Variants in FER observed in about 807,000 individuals in gnomAD.
FER encodes FER tyrosine kinase, also known as tyrosine-protein kinase Fer.
In FER, 63 loss-of-function variants were observed where a neutral mutation model predicts 111.0. The observed-to-expected ratio is 0.57, with a 90% CI of 0.46 to 0.70. The LOEUF is 0.70. Among genes scored for constraint, FER ranks in the 30% least tolerant of loss-of-function variants. The pLI is 0.00. For synonymous variants in FER, 327 were observed against 313.9 expected (o/e 1.04, Z -0.44); for missense variants, 914 against 954.0 (o/e 0.96, Z 0.55).
intron 13 of FER, among the ~76,000 whole-genome samples, chr5:109,000,253 A>C (rs1233204479): frequency 1.3e-5 from 2 of 151,952 alleles, no homozygotes; most frequent in African/African-American, 4.8e-5. Context: ...AAAAAGCATC[A>C]TAAACAGAAT....
chr5:108,982,553 CAAAA>C (rs1018702008), intron 13 of FER, among the ~76,000 whole-genome samples: 2 of 151,990 alleles, frequency 1.3e-5, no homozygotes, highest in African/African-American at 4.8e-5. Flanking sequence ...TTATAGAACT[CAAAA>C]GAAAGGTATC....
chr5:108,999,186 T>G (rs1764392772), intron 13 of FER, among the ~76,000 whole-genome samples: 1 of 152,180 alleles, frequency 6.6e-6, no homozygotes, highest in Admixed American at 6.5e-5. Context: ...TCTCCTTCCT[T>G]GAATTTTATA....
intron 10 of FER, among the ~76,000 whole-genome samples, chr5:108,909,975 C>T (rs1294071490): frequency 6.6e-6 from 1 of 151,486 alleles, no homozygotes; most frequent in African/African-American, 2.4e-5. Context: ...GAACATTTTC[C>T]TATGTTGGAA....
chr5:108,919,976 T>C (rs1752811727), intron 10 of FER, among the ~76,000 whole-genome samples: 1 of 152,132 alleles, frequency 6.6e-6, no homozygotes, highest in African/African-American at 2.4e-5. Flanking sequence ...AAATGTTTAG[T>C]ACAGTGCCTG....
intron 17 of FER, among the ~76,000 whole-genome samples, chr5:109,156,661 T>C (rs1561968083): frequency 6.6e-6 from 1 of 151,896 alleles, no homozygotes; most frequent in Non-Finnish European, 1.5e-5. Context: ...TTAAGGAATT[T>C]ATGGGCAGAA....
intron 16 of FER, among the ~76,000 whole-genome samples, chr5:109,048,013 C>T (rs1021292256): frequency 3.3e-5 from 5 of 151,988 alleles, no homozygotes; most frequent in Admixed American, 6.6e-5. Flanking sequence ...ATCTCATAAG[C>T]TTTACAAATA....
intron 17 of FER, among the ~76,000 whole-genome samples, chr5:109,102,214 T>C (rs1466114130): frequency 6.6e-6 from 1 of 152,134 alleles, no homozygotes; most frequent in African/African-American, 2.4e-5. Context: ...TTTTTCCCAC[T>C]TTGCTTTTTA....
At chr5:108,866,815 G>C (rs1400223921) in intron 5 of FER, among the ~76,000 whole-genome samples, 1 of 152,048 alleles carries the variant, frequency 6.6e-6, no homozygotes, top group Non-Finnish European at 1.5e-5. Flanking sequence ...TGTGTAATTT[G>C]CATCAAAAGT....
At chr5:108,997,528 C>T (rs1376475866) in intron 13 of FER, among the ~76,000 whole-genome samples, 1 of 151,966 alleles carries the variant, frequency 6.6e-6, no homozygotes, top group African/African-American at 2.4e-5. Flanking sequence ...TAATTGAATA[C>T]CCTTTATTTC....
intron 3 of FER, among the ~76,000 whole-genome samples, chr5:108,800,930 C>G (rs374331359): frequency 2.0e-5 from 3 of 152,224 alleles, no homozygotes; most frequent in East Asian, 3.9e-4. Context: ...GCCTGTAGTC[C>G]CAGCTACTTG....
At chr5:109,087,467 GTT>G (rs753674945) in intron 16 of FER, among the ~76,000 whole-genome samples, 13 of 151,640 alleles carry the variant, frequency 8.6e-5, no homozygotes, top group Non-Finnish European at 1.5e-4. Flanking sequence ...TTGAGAAAAA[GTT>G]TGTTTAAATA....
intron 2 of FER, among the ~76,000 whole-genome samples, chr5:108,778,712 G>A (rs13183520): frequency 0.061 from 9,254 of 152,084 alleles, 317 homozygotes; most frequent in Middle Eastern, 0.075. Flanking sequence ...TTTGGATAAC[G>A]GTCCTTTTTC....
intron 14 of FER, among the ~76,000 whole-genome samples, chr5:109,039,147 A>G (rs901483746): frequency 4.6e-5 from 7 of 151,998 alleles, no homozygotes; most frequent in Non-Finnish European, 8.8e-5. Context: ...ACAATTAGCC[A>G]TGATTCCTAT....
At chr5:108,901,339 T>C (rs942524589) in intron 10 of FER, among the ~76,000 whole-genome samples, 3 of 151,990 alleles carry the variant, frequency 2.0e-5, no homozygotes, top group Admixed American at 6.6e-5. Flanking sequence ...TGAAGATGCA[T>C]ATAAGAAAGT....
At chr5:108,811,601 G>T (rs1757765371) in intron 3 of FER, among the ~76,000 whole-genome samples, 2 of 152,110 alleles carry the variant, frequency 1.3e-5, no homozygotes, top group South Asian at 4.2e-4. Flanking sequence ...TCTGTATTAG[G>T]GTTTTCCAGA....
intron 16 of FER, among the ~76,000 whole-genome samples, chr5:109,097,489 G>A (rs752283614): frequency 6.6e-6 from 1 of 151,902 alleles, no homozygotes; most frequent in Non-Finnish European, 1.5e-5. Context: ...GTATCCATAT[G>A]CATATATACC....
chr5:109,085,771 C>G (rs1186088768), intron 16 of FER, among the ~76,000 whole-genome samples: 1 of 151,654 alleles, frequency 6.6e-6, no homozygotes, highest in Non-Finnish European at 1.5e-5. Context: ...TTAGTAGATA[C>G]TGAATTTGTT....
chr5:108,789,844 C>T (rs1755149278), intron 2 of FER, among the ~76,000 whole-genome samples: 2 of 152,078 alleles, frequency 1.3e-5, no homozygotes, highest in Admixed American at 6.5e-5. Flanking sequence ...CTCAAGTGAT[C>T]CACCTGCCTC....
chr5:108,753,297 A>G (rs1415667626), intron 1 of FER, among the ~76,000 whole-genome samples: 2 of 152,124 alleles, frequency 1.3e-5, no homozygotes, highest in African/African-American at 2.4e-5. Context: ...TAAATTTACA[A>G]TAAATTTACT....
Sources: gnomAD v4.1 joint callset for allele counts (sites outside exome capture counted in the v4.1 genomes callset) on GRCh38, gnomAD v4.1.1 for gene constraint, MANE v1.5 for transcripts, NCBI Gene and HGNC (gene_info 2026-07-23, HGNC 2026-07-21) for gene names.